PKIB: variants seen among roughly 807,000 people sequenced by gnomAD.
PKIB encodes PKI-beta.
PKIB carries 2 observed loss-of-function variants against 4.5 expected under a neutral mutation model. The observed-to-expected ratio is 0.44, with a 90% CI of 0.18 to 1.39. The LOEUF (loss-of-function observed/expected upper bound fraction) is 1.39, where lower values mean the gene tolerates loss of function less well. PKIB is among the 40% of genes most tolerant of loss of function. The probability of loss-of-function intolerance (pLI) is 0.27; values close to 1 mark genes in which losing one functional copy is unlikely to be tolerated. For synonymous variants in PKIB, 38 were observed against 36.0 expected (o/e 1.06, Z -0.20); for missense variants, 94 against 92.6 (o/e 1.02, Z -0.06).
intron 2 of PKIB, among the ~76,000 whole-genome samples, chr6:122,540,917 T>A (rs1327990635): frequency 2.0e-5 from 3 of 151,396 alleles, no homozygotes; most frequent in Admixed American, 1.3e-4. Flanking sequence ...GTTGAATTGA[T>A]CCCTTTACCA....
chr6:122,541,321 C>T (rs1332887335), intron 2 of PKIB, among the ~76,000 whole-genome samples: 7 of 152,004 alleles, frequency 4.6e-5, no homozygotes, highest in East Asian at 3.9e-4. Flanking sequence ...TGGGTGGTAC[C>T]GGTTGTTCCT....
chr6:122,523,949 A>C (rs1375276391), intron 2 of PKIB, among the ~76,000 whole-genome samples: 2 of 152,106 alleles, frequency 1.3e-5, no homozygotes, highest in Non-Finnish European at 2.9e-5. Flanking sequence ...ACCCAGTCTC[A>C]AGTGTTTCTT....
Position 122,658,562 on chromosome 6 carries a change from G to C in PKIB, c.-75-16516G>C, listed in dbSNP as rs150265540. Among the ~76,000 whole-genome samples, 354 of 152,028 alleles carry C rather than the reference G, an allele frequency of 2.3e-3. 2 individuals carry two copies. Among genetic ancestry groups the C allele is most frequent in the African/African-American group, 8.2e-3 (340 of 41,490 alleles). On this transcript the variant is annotated intron_variant, in intron 2 of 4. Coordinates refer to ENST00000368452, the MANE Select transcript of PKIB (RefSeq NM_181795.3). ...TTGTATTCTAAAGCTTGAAATTGTT[G>C]TTTTCATAATGATGTGATGCACAGA...
chr6:122,580,801 A>G (rs1052530704), intron 2 of PKIB, among the ~76,000 whole-genome samples: 2 of 152,212 alleles, frequency 1.3e-5, no homozygotes, highest in African/African-American at 4.8e-5. Context: ...ATGTTAATGG[A>G]TAAACGAAAC....
chr6:122,515,111 G>A (rs76717128), intron 2 of PKIB, among the ~76,000 whole-genome samples: 17 of 152,180 alleles, frequency 1.1e-4, no homozygotes, highest in East Asian at 3.9e-4. Flanking sequence ...AAAGAGTAAC[G>A]CACTTAAGTG....
chr6:122,539,507 C>A (rs989315293), intron 2 of PKIB, among the ~76,000 whole-genome samples: 4 of 152,020 alleles, frequency 2.6e-5, no homozygotes, highest in Admixed American at 2.0e-4. Context: ...TATGTGGAAC[C>A]AGCCTTGCAT....
intron 1 of PKIB, among the ~76,000 whole-genome samples, chr6:122,476,703 A>G (rs1041166324): frequency 1.3e-5 from 2 of 152,320 alleles, no homozygotes. Flanking sequence ...TGTGTCTAAT[A>G]TTTAATGTAC....
intron 2 of PKIB, among the ~76,000 whole-genome samples, chr6:122,640,125 A>C (rs895847381): frequency 6.6e-6 from 1 of 152,248 alleles, no homozygotes; most frequent in Admixed American, 6.5e-5. Flanking sequence ...TAAATGAACT[A>C]ATTCAAAATG....
chr6:122,680,802 A>C (rs1304618588), intron 3 of PKIB, among the ~76,000 whole-genome samples: 4 of 152,182 alleles, frequency 2.6e-5, no homozygotes, highest in African/African-American at 9.7e-5. Flanking sequence ...CCTCTTTTCC[A>C]ATCTATTCCG....
intron 2 of PKIB, among the ~76,000 whole-genome samples, chr6:122,664,240 T>C (rs1201330958): frequency 1.3e-5 from 2 of 152,176 alleles, no homozygotes; most frequent in African/African-American, 4.8e-5. Flanking sequence ...GACTCAGCAC[T>C]GCAGCTGCCA....
chr6:122,722,515 C>A (rs1779784801), intron 4 of PKIB, among the ~76,000 whole-genome samples: 1 of 152,152 alleles, frequency 6.6e-6, no homozygotes, highest in South Asian at 2.1e-4. Flanking sequence ...TATAACAACT[C>A]TTCTCTGAAA....
rs11376307 is a variant in PKIB at position 122,492,775 on chromosome 6, G to GTT, written c.-248+14848_-248+14849dup. On this transcript the variant is annotated intron_variant, in intron 2 of 6. Coordinates refer to the PKIB transcript ENST00000392491. ...TCTTATATATATTTTAAGAGAAAGA[G>GTT]TTTTTTTTTTTTTAATTTTCTCAAT... Among the ~76,000 whole-genome samples, 855 of 146,788 alleles carry GTT rather than the reference G, an allele frequency of 5.8e-3. 4 individuals are homozygous for GTT. Among genetic ancestry groups the GTT allele is most frequent in the Non-Finnish European group, 9.0e-3 (601 of 66,528 alleles).
At chr6:122,635,183 G>A (rs1775867199) in intron 2 of PKIB, among the ~76,000 whole-genome samples, 1 of 152,172 alleles carries the variant, frequency 6.6e-6, no homozygotes, top group South Asian at 2.1e-4. Flanking sequence ...TGATTTATAA[G>A]CATAATCTTC....
At chr6:122,499,102 C>T (rs1273783551) in intron 2 of PKIB, among the ~76,000 whole-genome samples, 1 of 152,124 alleles carries the variant, frequency 6.6e-6, no homozygotes, top group African/African-American at 2.4e-5. Context: ...AACCCTGGAT[C>T]AGATGGATTC....
At chr6:122,513,791 G>C (rs1282361851) in intron 2 of PKIB, among the ~76,000 whole-genome samples, 1 of 152,152 alleles carries the variant, frequency 6.6e-6, no homozygotes, top group African/African-American at 2.4e-5. Context: ...TATCTATGTT[G>C]CTGCAAAGGA....
rs566431293 is a variant in PKIB at position 122,499,612 on chromosome 6, G to A, written c.-248+21673G>A. On this transcript the variant is annotated intron_variant, in intron 2 of 6. Coordinates refer to the PKIB transcript ENST00000392491. ...AACCACAGCCAACATCATACTGAAT[G>A]GACAAAAGCTGGAAGCATTTTCCTT... Among the ~76,000 whole-genome samples the A allele has an allele frequency of 1.6e-4, 25 of 152,244 alleles. 1 individual carries two copies. The Middle Eastern group carries it at 0.01, about 62-fold the overall frequency.
intron 2 of PKIB, among the ~76,000 whole-genome samples, chr6:122,650,257 A>G (rs554761678): frequency 6.6e-6 from 1 of 152,240 alleles, no homozygotes; most frequent in East Asian, 1.9e-4. Context: ...GTAGACGAGT[A>G]AATGAGATGT....
At chr6:122,493,838 T>C (rs181682182) in intron 2 of PKIB, among the ~76,000 whole-genome samples, 3 of 152,192 alleles carry the variant, frequency 2.0e-5, no homozygotes, top group African/African-American at 7.2e-5. Context: ...CTAGTTATAT[T>C]GAATTCTGGA....
chr6:122,658,651 C>A (rs1349986764), intron 2 of PKIB, among the ~76,000 whole-genome samples: 1 of 151,638 alleles, frequency 6.6e-6, no homozygotes, highest in African/African-American at 2.4e-5. Context: ...AGTGGGGACC[C>A]TCTCTGGGCA....
Sources: gnomAD v4.1 joint callset for allele counts (sites outside exome capture counted in the v4.1 genomes callset) on GRCh38, gnomAD v4.1.1 for gene constraint, MANE v1.5 for transcripts, NCBI Gene and HGNC (gene_info 2026-07-23, HGNC 2026-07-21) for gene names.